ENPP6: variants seen among roughly 807,000 people sequenced by gnomAD.
The protein encoded by ENPP6 is ectonucleotide pyrophosphatase/phosphodiesterase 6, also known as glycerophosphocholine cholinephosphodiesterase ENPP6.
In ENPP6, 32 loss-of-function variants were observed where a neutral mutation model predicts 42.0. The observed-to-expected ratio is 0.76, with a 90% CI of 0.58 to 1.02. ENPP6 has a LOEUF of 1.02. ENPP6 is among the 50% of genes least tolerant of loss of function. The pLI, the probability that ENPP6 is intolerant of heterozygous loss-of-function variation, is 0.00. For missense variants in ENPP6, 552 were observed against 566.8 expected, an observed-to-expected ratio of 0.97 and a Z score of 0.27; for synonymous variants, 213 against 216.0, an observed-to-expected ratio of 0.99 and a Z score of 0.12.
chr4:184,101,474 C>T (rs1490521806), intron 6 of ENPP6, among the ~76,000 whole-genome samples: 1 of 151,794 alleles, frequency 6.6e-6, no homozygotes, highest in Non-Finnish European at 1.5e-5. Flanking sequence ...ACTCCAAGAG[C>T]GGAGGAGCCC....
intron 1 of ENPP6, among the ~76,000 whole-genome samples, chr4:184,191,513 G>A (rs1272145368): frequency 2.0e-5 from 3 of 152,188 alleles, no homozygotes; most frequent in Non-Finnish European, 2.9e-5. Context: ...CCAACTGGAG[G>A]CAGTGTGTTG....
At chr4:184,176,599 T>C (rs1737564541) in intron 1 of ENPP6, among the ~76,000 whole-genome samples, 1 of 151,734 alleles carries the variant, frequency 6.6e-6, no homozygotes, top group Non-Finnish European at 1.5e-5. Flanking sequence ...AAGGATCGAG[T>C]CCTAAACACC....
chr4:184,214,343 A>T (rs938179005), intron 1 of ENPP6, among the ~76,000 whole-genome samples: 1 of 152,170 alleles, frequency 6.6e-6, no homozygotes, highest in Non-Finnish European at 1.5e-5. Flanking sequence ...TCCTGATATA[A>T]ACATGTTTTG....
intron 1 of ENPP6, among the ~76,000 whole-genome samples, chr4:184,199,342 G>A (rs892220194): frequency 1.3e-5 from 2 of 152,190 alleles, no homozygotes; most frequent in Non-Finnish European, 2.9e-5. Context: ...GTGGGCTGGG[G>A]GGCAGGTTCC....
intron 1 of ENPP6, among the ~76,000 whole-genome samples, chr4:184,194,165 C>T (rs756026880): frequency 5.3e-5 from 8 of 152,226 alleles, no homozygotes; most frequent in Non-Finnish European, 7.3e-5. Flanking sequence ...CGGTCAGCAT[C>T]TCCGGGCCTT....
At chr4:184,143,993 G>A (rs575970395) in intron 2 of ENPP6, among the ~76,000 whole-genome samples, 22 of 152,320 alleles carry the variant, frequency 1.4e-4, no homozygotes, top group African/African-American at 4.6e-4. Context: ...CTCTAACAGC[G>A]CCCTGGATCA....
intron 2 of ENPP6, among the ~76,000 whole-genome samples, chr4:184,127,743 G>A (rs1263445745): frequency 6.6e-6 from 1 of 152,174 alleles, no homozygotes; most frequent in Admixed American, 6.6e-5. Context: ...GGTAACAAGA[G>A]CGAAACTCCA....
intron 6 of ENPP6, among the ~76,000 whole-genome samples, chr4:184,099,219 C>G (rs1735960105): frequency 6.6e-6 from 1 of 152,256 alleles, no homozygotes; most frequent in South Asian, 2.1e-4. Context: ...CACTGCAGTG[C>G]TCCTGCTGGC....
chr4:184,205,733 T>G (rs967446799), intron 1 of ENPP6, among the ~76,000 whole-genome samples: 3 of 151,894 alleles, frequency 2.0e-5, no homozygotes, highest in South Asian at 2.1e-4. Flanking sequence ...CTCCAGGCAG[T>G]CAGGGTGGTG....
chr4:184,139,637 A>G (rs2111366870), intron 2 of ENPP6, among the ~76,000 whole-genome samples: 1 of 98,430 alleles, frequency 1.0e-5, no homozygotes, highest in Non-Finnish European at 2.2e-5. Context: ...GCGATAGTTT[A>G]CTGAGAATGA....
chr4:184,117,138 G>A, intron 4 of ENPP6, 103 bp from the exon 5 acceptor site: 3 of 1,364,022 alleles, frequency 2.2e-6, no homozygotes, highest in Non-Finnish European at 3.0e-6. Context: ...TATCTCCTCA[G>A]TTCTGTGTTT....
chr4:184,212,302 C>T (rs1481976254), intron 1 of ENPP6, among the ~76,000 whole-genome samples: 1 of 150,588 alleles, frequency 6.6e-6, no homozygotes, highest in African/African-American at 2.5e-5. Context: ...TCAAATTGTC[C>T]CTGTTTGCAG....
chr4:184,186,844 C>T (rs911773022), intron 1 of ENPP6, among the ~76,000 whole-genome samples: 2 of 152,122 alleles, frequency 1.3e-5, no homozygotes, highest in African/African-American at 4.8e-5. Flanking sequence ...CTCCATGCCC[C>T]GGTGCTAGAG....
intron 2 of ENPP6, among the ~76,000 whole-genome samples, chr4:184,138,420 G>A (rs1486528576): frequency 6.6e-6 from 1 of 152,156 alleles, no homozygotes; most frequent in East Asian, 1.9e-4. Flanking sequence ...GCAAGCACTG[G>A]AAACATCTTT....
chr4:184,121,530 T>C (rs1560984513), intron 3 of ENPP6, among the ~76,000 whole-genome samples: 1 of 152,238 alleles, frequency 6.6e-6, no homozygotes, highest in Non-Finnish European at 1.5e-5. Context: ...TGGGCACTCA[T>C]GTATGAAAAC....
At chr4:184,173,465 G>T (rs2111094402) in intron 1 of ENPP6, among the ~76,000 whole-genome samples, 1 of 152,290 alleles carries the variant, frequency 6.6e-6, no homozygotes, top group Admixed American at 6.5e-5. Context: ...GAGGCAGAAG[G>T]TTGAATTCGA....
rs961958214 is a variant in ENPP6, at chr4:184,089,999, A to C, written c.*1178T>G. 1 of 152,164 alleles carries C rather than the reference A, an allele frequency of 6.6e-6. No homozygotes were observed. Among genetic ancestry groups the C allele is most frequent in the African/African-American group, 2.4e-5 (1 of 41,436 alleles). The allele number at this position is 152,164 out of a possible 1,614,324, so 9.4% of individuals were successfully genotyped here. A position where few individuals can be genotyped will look rare whatever the true frequency, so the allele number is the denominator to read the frequency against. On this transcript the variant is annotated 3_prime_UTR_variant, in exon 8 of 8. Coordinates refer to ENST00000296741, the MANE Select transcript of ENPP6 (RefSeq NM_153343.4). ...AGGTCTCAAAGGTGGTACTTTGGCC[A>C]AACTGTTTCCTAATCAAACGACCAG...
intron 2 of ENPP6, among the ~76,000 whole-genome samples, chr4:184,131,362 CT>C (rs374125883): frequency 3.9e-5 from 5 of 129,406 alleles, no homozygotes; most frequent in East Asian, 4.5e-4. Context: ...TTTCTTCTTT[CT>C]TTTTTTTTGA....
In ENPP6 at chr4:184,116,180, G is replaced by A. The variant is rs138412455; in HGVS notation, c.855+676C>T. Among the ~76,000 whole-genome samples, 1,166 of 152,270 alleles carry A rather than the reference G, an allele frequency of 7.7e-3. 12 individuals are homozygous for A. Among genetic ancestry groups the A allele is most frequent in the Non-Finnish European group, 0.012 (836 of 68,020 alleles). On this transcript the variant is annotated intron_variant, in intron 5 of 7. Coordinates refer to ENST00000296741, the MANE Select transcript of ENPP6 (RefSeq NM_153343.4). ...AAAGCTTGCAGTGAGCCGAGATAGC[G>A]CCACTGCACTCCAGCCTGGGCGACA...
Sources: gnomAD v4.1 joint callset for allele counts (sites outside exome capture counted in the v4.1 genomes callset) on GRCh38, gnomAD v4.1.1 for gene constraint, MANE v1.5 for transcripts, NCBI Gene and HGNC (gene_info 2026-07-23, HGNC 2026-07-21) for gene names.